The following ME3 variants were observed in gnomAD, a reference collection of about 807,000 sequenced individuals.
ME3 encodes the protein NADP-dependent malic enzyme, mitochondrial.
In ME3, 48 loss-of-function variants were observed where a neutral mutation model predicts 68.9. The ratio of observed to expected loss-of-function variants is 0.70; its 90% CI spans 0.55 to 0.89. The LOEUF is 0.89. ME3 is among the 40% of genes least tolerant of loss of function. The probability of loss-of-function intolerance (pLI) is 0.00; values close to 1 mark genes in which losing one functional copy is unlikely to be tolerated. For synonymous variants in ME3, 320 were observed against 318.8 expected, an observed-to-expected ratio of 1.00 and a Z score of -0.04; for missense variants, 675 against 797.4, an observed-to-expected ratio of 0.85 and a Z score of 1.85.
exon 14 of ME3, chr11:86,442,836 C>T: frequency 6.2e-7 from 1 of 1,612,420 alleles, no homozygotes; most frequent in Middle Eastern, 1.7e-4. Context: ...TGGCAATTCT[C>T]AAAGACACGT....
At chr11:86,651,484 C>T (rs977924128) in intron 2 of ME3, among the ~76,000 whole-genome samples, 19 of 152,222 alleles carry the variant, frequency 1.2e-4, no homozygotes, top group Non-Finnish European at 1.2e-4. Context: ...AGGCAAACAG[C>T]GTCTGGAGTG....
At chr11:86,510,021 CA>C (rs770689274) in intron 4 of ME3, among the ~76,000 whole-genome samples, 2 of 151,932 alleles carry the variant, frequency 1.3e-5, no homozygotes, top group Non-Finnish European at 2.9e-5. Flanking sequence ...AATAAAACAC[CA>C]AAAAAATCAC....
At chr11:86,607,640 T>G (rs1350612250) in intron 2 of ME3, among the ~76,000 whole-genome samples, 1 of 151,082 alleles carries the variant, frequency 6.6e-6, no homozygotes, top group African/African-American at 2.4e-5. Context: ...TGATAGATGG[T>G]TTTTGTTGTT....
At chr11:86,513,541 C>T (rs371052378) in intron 4 of ME3, among the ~76,000 whole-genome samples, 119 of 152,270 alleles carry the variant, frequency 7.8e-4, no homozygotes, top group African/African-American at 2.8e-3. Flanking sequence ...ATCCTGAGTC[C>T]GATGCACTTT....
intron 5 of ME3, among the ~76,000 whole-genome samples, chr11:86,506,930 A>T (rs960419536): frequency 4.6e-5 from 7 of 152,188 alleles, no homozygotes; most frequent in Non-Finnish European, 8.8e-5. Flanking sequence ...CTGGGACCAA[A>T]ACCTGCAGGG....
At chr11:86,442,750 C>T in intron 14 of ME3, 71 bp downstream of exon 14, 10 of 1,318,408 alleles carry the variant, frequency 7.6e-6, no homozygotes, top group Non-Finnish European at 9.7e-6. Flanking sequence ...CCCCTTAACC[C>T]TCCTAAAGTC....
chr11:86,563,730 G>A (rs1160913735), intron 2 of ME3, among the ~76,000 whole-genome samples: 1 of 152,064 alleles, frequency 6.6e-6, no homozygotes, highest in Non-Finnish European at 1.5e-5. Flanking sequence ...ACTTGTCTTT[G>A]TCAACCTTGT....
intron 2 of ME3, among the ~76,000 whole-genome samples, chr11:86,600,220 G>C (rs4553393): frequency 0.27 from 40,699 of 151,502 alleles, 5,700 homozygotes; most frequent in African/African-American, 0.35. Context: ...CTCACGTGCA[G>C]AGACACACAT....
At chr11:86,640,528 T>A (rs1243006655) in intron 2 of ME3, among the ~76,000 whole-genome samples, 1 of 152,232 alleles carries the variant, frequency 6.6e-6, no homozygotes, top group Non-Finnish European at 1.5e-5. Flanking sequence ...TCACACTGAC[T>A]GGACAGGCCT....
At chr11:86,487,487 G>GT (rs759580667) in intron 6 of ME3, 47 bp from the exon 7 acceptor site, 134,168 of 1,035,606 alleles carry the variant, frequency 0.13, 4 homozygotes, top group South Asian at 0.16. Context: ...CGGTGTTCCT[G>GT]TTTTTTTTTT....
intron 2 of ME3, among the ~76,000 whole-genome samples, chr11:86,617,045 G>GTTTTTTATTTTTTTTT (rs1943008978): frequency 1.8e-5 from 1 of 56,300 alleles, no homozygotes; most frequent in Non-Finnish European, 3.1e-5. Context: ...CAAGATAGTA[G>GTTTTTTATTTTTTTTT]TTTTTTTTTT....
chr11:86,508,979 C>T (rs1594227710), intron 4 of ME3, 112 bp from the exon 5 acceptor site: 5 of 842,052 alleles, frequency 5.9e-6, no homozygotes, highest in Non-Finnish European at 9.5e-6. Flanking sequence ...TAGACCTGGG[C>T]AAGAAAGATT....
chr11:86,657,996 G>A (rs901011329), intron 2 of ME3, among the ~76,000 whole-genome samples: 4 of 152,146 alleles, frequency 2.6e-5, no homozygotes, highest in African/African-American at 9.7e-5. Context: ...CTCTTCTTAG[G>A]TTGGCAACCC....
chr11:86,601,021 C>T (rs1343017420), intron 2 of ME3, among the ~76,000 whole-genome samples: 2 of 151,716 alleles, frequency 1.3e-5, no homozygotes, highest in South Asian at 2.1e-4. Context: ...AAATTGACAC[C>T]CTAACATCAC....
intron 7 of ME3, among the ~76,000 whole-genome samples, chr11:86,476,226 C>G (rs682501): frequency 0.01 from 1,530 of 152,214 alleles, 83 homozygotes; most frequent in Admixed American, 0.091. Flanking sequence ...GACCTATCTG[C>G]AGGCCTGAAT....
chr11:86,671,349 C>G (rs1207001935), intron 2 of ME3, among the ~76,000 whole-genome samples: 4 of 152,194 alleles, frequency 2.6e-5, no homozygotes, highest in Admixed American at 1.3e-4. Context: ...ATTTTCTACC[C>G]GCATTTTCTC....
At chr11:86,613,317 T>G (rs2135211090) in intron 2 of ME3, among the ~76,000 whole-genome samples, 1 of 152,264 alleles carries the variant, frequency 6.6e-6, no homozygotes, top group East Asian at 1.9e-4. Context: ...ATGGAACATA[T>G]CTCAAAATAA....
intron 2 of ME3, chr11:86,622,892 C>T (rs988443423): frequency 6.0e-5 from 9 of 150,672 alleles, no homozygotes; most frequent in Non-Finnish European, 1.0e-4. Context: ...AGAGCATGGA[C>T]CCTGAAGGCG....
rs192123106 is a variant in ME3, at chr11:86,514,317, C to T, written c.468-5450G>A. Reference sequence around the variant, plus strand: ...ATAGCAGCATGAGAATGGACTGATACACATGAGATTCTGATCACCTGAGAA... The same window carrying T: ...ATAGCAGCATGAGAATGGACTGATATACATGAGATTCTGATCACCTGAGAA... On this transcript the variant is annotated intron_variant, in intron 4 of 14. Transcript: ENST00000543262. 2.2e-3 allele frequency among the ~76,000 whole-genome samples: 331 copies of T among 152,272 alleles called. 3 individuals are homozygous for T. Among genetic ancestry groups the T allele is most frequent in the African/African-American group, 7.7e-3 (318 of 41,558 alleles).
Sources: gnomAD v4.1 joint callset for allele counts (sites outside exome capture counted in the v4.1 genomes callset) on GRCh38, gnomAD v4.1.1 for gene constraint, MANE v1.5 for transcripts, NCBI Gene and HGNC (gene_info 2026-07-23, HGNC 2026-07-21) for gene names.